Variants in AFG2A observed in about 807,000 individuals in gnomAD.
The protein encoded by AFG2A is ATPase family gene 2 protein homolog A.
chr4:123,195,995 T>C, the AFG2A span, among the ~76,000 whole-genome samples: 1 of 111,880 alleles, frequency 8.9e-6, no homozygotes, highest in Non-Finnish European at 1.7e-5. Context: ...CTTTCATTTG[T>C]TACCATCCTT....
the AFG2A span, chr4:123,256,177 A>G: frequency 1.9e-6 from 3 of 1,614,118 alleles, no homozygotes; most frequent in Non-Finnish European, 1.7e-6. Context: ...ACTCAGGAGC[A>G]GAGGTAAGAT....
At chr4:123,291,555 T>C in the AFG2A span, among the ~76,000 whole-genome samples, 1 of 152,218 alleles carries the variant, frequency 6.6e-6, no homozygotes, top group African/African-American at 2.4e-5. Context: ...TCTGGGAAAG[T>C]TTCTCTCTCA....
the AFG2A span, among the ~76,000 whole-genome samples, chr4:122,998,168 T>TTTG: frequency 6.6e-6 from 1 of 152,090 alleles, no homozygotes; most frequent in South Asian, 2.1e-4. Context: ...CCAGTATCTT[T>TTTG]TTGTTGTTGT....
the AFG2A span, among the ~76,000 whole-genome samples, chr4:123,148,813 G>A: frequency 6.8e-6 from 1 of 147,910 alleles, no homozygotes; most frequent in East Asian, 2.0e-4. Flanking sequence ...CTGTCGACCA[G>A]GCTGGAGTGC....
the AFG2A span, among the ~76,000 whole-genome samples, chr4:123,058,194 G>C: frequency 1.8e-4 from 27 of 152,244 alleles, no homozygotes; most frequent in African/African-American, 6.3e-4. Flanking sequence ...AATTTATAAA[G>C]AAAAAGAGGT....
chr4:123,274,119 C>T, the AFG2A span, among the ~76,000 whole-genome samples: 1 of 152,164 alleles, frequency 6.6e-6, no homozygotes, highest in South Asian at 2.1e-4. Flanking sequence ...AGTTATAACT[C>T]AGTGTATTCT....
chr4:123,072,251 A>G, the AFG2A span, among the ~76,000 whole-genome samples: 3 of 152,310 alleles, frequency 2.0e-5, no homozygotes. Context: ...TGCATGACAC[A>G]GAGCAACTTA....
the AFG2A span, among the ~76,000 whole-genome samples, chr4:123,140,021 G>C: frequency 5.3e-5 from 8 of 152,064 alleles, no homozygotes; most frequent in Non-Finnish European, 1.0e-4. Flanking sequence ...GAGAGATCAA[G>C]GGATTTACTC....
the AFG2A span, among the ~76,000 whole-genome samples, chr4:122,948,462 G>C: frequency 1.6e-4 from 24 of 150,918 alleles, no homozygotes; most frequent in Non-Finnish European, 3.2e-4. Context: ...ATTGGTGGCG[G>C]TATTGATGAT....
At chr4:123,195,832 A>G in the AFG2A span, among the ~76,000 whole-genome samples, 2 of 152,058 alleles carry the variant, frequency 1.3e-5, no homozygotes, top group African/African-American at 4.8e-5. Flanking sequence ...CCCCTTCCCA[A>G]CCTGGAAATG....
chr4:122,998,764 A>G, the AFG2A span, among the ~76,000 whole-genome samples: 1 of 152,336 alleles, frequency 6.6e-6, no homozygotes, highest in African/African-American at 2.4e-5. Flanking sequence ...TAGTGCCGCA[A>G]TAAACATATG....
At chr4:123,065,141 A>G in the AFG2A span, among the ~76,000 whole-genome samples, 1 of 152,040 alleles carries the variant, frequency 6.6e-6, no homozygotes, top group Non-Finnish European at 1.5e-5. Context: ...CTAACCTTTC[A>G]AGCTTGTTTA....
chr4:122,934,064 G>A, the AFG2A span: 77 of 1,515,910 alleles, frequency 5.1e-5, no homozygotes, highest in Middle Eastern at 7.1e-4. Context: ...AAAAAATTAT[G>A]CTAACATGTA....
chr4:123,219,891 C>CA, the AFG2A span, among the ~76,000 whole-genome samples: 1 of 150,524 alleles, frequency 6.6e-6, no homozygotes, highest in African/African-American at 2.5e-5. Flanking sequence ...TTTTTTGAGA[C>CA]AGAGTTTCGC....
the AFG2A span, chr4:122,947,387 G>A: frequency 4.3e-6 from 7 of 1,614,072 alleles, no homozygotes; most frequent in South Asian, 5.5e-5. Context: ...AAACTGCTTC[G>A]AAGGGTACCC....
chr4:123,231,170 A>G, the AFG2A span, among the ~76,000 whole-genome samples: 4 of 152,026 alleles, frequency 2.6e-5, no homozygotes, highest in South Asian at 2.1e-4. Flanking sequence ...TCTAGCTATG[A>G]AAGTCCTAGA....
At chr4:123,012,983 A>G in the AFG2A span, among the ~76,000 whole-genome samples, 1 of 152,118 alleles carries the variant, frequency 6.6e-6, no homozygotes, top group Non-Finnish European at 1.5e-5. Flanking sequence ...ACCACCAAAC[A>G]GGCTTTGTGT....
the AFG2A span, among the ~76,000 whole-genome samples, chr4:123,161,700 C>T: frequency 6.6e-6 from 1 of 152,056 alleles, no homozygotes; most frequent in Non-Finnish European, 1.5e-5. Flanking sequence ...AAAATACTGT[C>T]ATGAGATTTT....
chr4:123,276,256 C>T, the AFG2A span, among the ~76,000 whole-genome samples: 10 of 152,092 alleles, frequency 6.6e-5, no homozygotes, highest in African/African-American at 2.4e-4. Context: ...AGCATTTTTC[C>T]ATATGCTTGT....
Sources: gnomAD v4.1 joint callset for allele counts (sites outside exome capture counted in the v4.1 genomes callset) on GRCh38, gnomAD v4.1.1 for gene constraint, MANE v1.5 for transcripts, NCBI Gene and HGNC (gene_info 2026-07-23, HGNC 2026-07-21) for gene names.